Variants in SLC27A4 observed in about 807,000 individuals in gnomAD.
SLC27A4 encodes long-chain fatty acid transport protein 4.
Under a neutral mutation model 64.4 loss-of-function variants are expected in SLC27A4, and 33 were observed. The observed-to-expected ratio is 0.51, with a 90% CI of 0.39 to 0.68. The LOEUF is 0.68. Ranked by LOEUF, SLC27A4 falls within the 30% of genes least tolerant of loss-of-function variation. SLC27A4 has a pLI of 0.00. For synonymous variants in SLC27A4, 377 were observed against 370.0 expected, an observed-to-expected ratio of 1.02 and a Z score of -0.22; for missense variants, 824 against 883.5, an observed-to-expected ratio of 0.93 and a Z score of 0.85.
chr9:128,355,480 C>G lies in SLC27A4; in HGVS notation c.1545C>G (p.Asn515Lys). 3.1e-6 allele frequency: 5 copies of G among 1,612,632 alleles called. No homozygotes were observed. Among genetic ancestry groups the G allele is most frequent in the Non-Finnish European group, 4.2e-6 (5 of 1,179,484 alleles). ...ACACGTTCCGCTGGAAAGGTGAGAA[C>G]GTGTCCACCACCGAGGTGGAAGGCA... is the stretch of plus-strand genomic sequence containing the variant. ...TGDTFRWKGENVSTTEVEGTL... is the reference protein window; with the variant it reads ...TGDTFRWKGEKVSTTEVEGTL... Residue 515 changes from asparagine (N) to lysine (K), a missense_variant, in exon 11 of 13, where the codon AAC becomes AAG. Asn to Lys is a moderately conservative substitution (Grantham distance 94). Coordinates refer to ENST00000300456, the MANE Select transcript of SLC27A4 (RefSeq NM_005094.4).
intron 12 of SLC27A4, among the ~76,000 whole-genome samples, chr9:128,357,093 C>CA (rs1318748501): frequency 0.015 from 1,445 of 94,674 alleles, 22 homozygotes; most frequent in Non-Finnish European, 0.022. Context: ...GACTCCGTCT[C>CA]AAAAAAAAAA....
chr9:128,354,989 C>CTGG, intron 9 of SLC27A4, 64 bp from the exon 10 acceptor site: 15 of 1,442,804 alleles, frequency 1.0e-5, no homozygotes, highest in African/African-American at 1.4e-5. Flanking sequence ...CAGGGTACAC[C>CTGG]TGGTGACAGG....
In SLC27A4 at chr9:128,350,578, A is replaced by G; in HGVS notation, c.877+3A>G. 6.2e-7 allele frequency: 1 copy of G among 1,609,536 alleles called. No individual in the cohort carries two copies. On this transcript the variant is annotated splice_donor_region_variant and intron_variant, in intron 6 of 12. Coordinates refer to ENST00000300456, the MANE Select transcript of SLC27A4 (RefSeq NM_005094.4). ...CCTCCCCCTCTACCACTCAGCAGGT[A>G]ACTCTAGGGCTGTCACACAGCCTCC...
At chr9:128,350,437 T>C (rs756660457) in intron 5 of SLC27A4, 47 bp from the exon 6 acceptor site, 14 of 1,612,082 alleles carry the variant, frequency 8.7e-6, no homozygotes, top group Admixed American at 5.0e-5. Context: ...GGAGCCTCCT[T>C]CTGCCTTTCT....
Position 128,353,026 on chromosome 9 carries a change from T to C in SLC27A4, c.989T>C (p.Ile330Thr). 6.2e-7 allele frequency: 1 copy of C among 1,612,716 alleles called. No individual in the cohort carries two copies. Among genetic ancestry groups the C allele is most frequent in the Non-Finnish European group, 8.5e-7 (1 of 1,179,192 alleles). ...GAATCACACCAAGTTCACCCCCAGA[T>C]TGTGCAGTACATTGGTGAACTGTGC... ...WDDCIKYNCTIVQYIGELCRY... is the reference protein window; with the variant it reads ...WDDCIKYNCTTVQYIGELCRY... Residue 330 changes from isoleucine (I) to threonine (T), a missense_variant and splice_region_variant, in exon 8 of 13, where the codon ATT becomes ACT. Transcript: ENST00000300456. This position sits in a 1 kb window ranked among gnomAD's most constrained non-coding sequence, Gnocchi z 4.9.
chr9:128,355,251 C>T, intron 10 of SLC27A4, 61 bp downstream of exon 10: 1 of 1,604,902 alleles, frequency 6.2e-7, no homozygotes. Context: ...GACCTTCTCC[C>T]ACCTCCAGAG....
Position 128,357,684 on chromosome 9 carries a change from A to G in SLC27A4, c.1774+1888A>G, listed in dbSNP as rs143542300. ...CTCAAGAGTTCCCTGGTGGGCAGGA[A>G]ATGCTGAGGCTCATGCCCATACCTG... is the stretch of plus-strand genomic sequence containing the variant. On this transcript the variant is annotated intron_variant, in intron 12 of 12. Coordinates refer to ENST00000300456, the MANE Select transcript of SLC27A4 (RefSeq NM_005094.4). Among the ~76,000 whole-genome samples, 11 of 152,236 alleles carry G rather than the reference A, an allele frequency of 7.2e-5. No homozygotes were observed. In the East Asian group the frequency reaches 2.1e-3, roughly 29 times the overall value.
intron 1 of SLC27A4, chr9:128,342,504 A>T: frequency 8.7e-7 from 1 of 1,152,784 alleles, no homozygotes; most frequent in Non-Finnish European, 1.3e-6. Flanking sequence ...TTTCACATCA[A>T]AGAACTACTG....
At position 128,345,694 on chromosome 9, in the gene SLC27A4, A is replaced by G. The variant is rs1001282272; in HGVS notation, c.556+145A>G. 2 of 967,160 alleles carry G rather than the reference A, an allele frequency of 2.1e-6. No homozygotes were observed. The highest frequency in any genetic ancestry group is 5.8e-5 in the Admixed American group (2 of 34,288). 59.9% of individuals were successfully genotyped at this position (967,160 alleles called of 1,614,324 possible). A position where few individuals can be genotyped will look rare whatever the true frequency, so the allele number is the denominator to read the frequency against. ...AGACAGCTTAGGCAGTGCCACGAGTAAACGAGATCCTGGGGAAGGGACTGA... is the reference window on the plus strand; with the variant it reads ...AGACAGCTTAGGCAGTGCCACGAGTGAACGAGATCCTGGGGAAGGGACTGA... On this transcript the variant is annotated intron_variant, in intron 3 of 12. Transcript: ENST00000300456. The surrounding 1 kb of genome is among the most constrained non-coding windows in gnomAD (Gnocchi z 4.1).
chr9:128,345,338 C>T lies in SLC27A4; in HGVS notation c.345C>T (p.Ala115=), dbSNP rs778960295. 1 of 1,613,798 alleles carries T rather than the reference C, an allele frequency of 6.2e-7. No individual in the cohort carries two copies. Among genetic ancestry groups the T allele is most frequent in the African/African-American group, 1.3e-5 (1 of 75,012 alleles). The change falls in exon 3 of 13, where the codon GCC becomes GCT. Residue 115 remains alanine (A), a synonymous_variant. Transcript: ENST00000300456. This position sits in a 1 kb window ranked among gnomAD's most constrained non-coding sequence, Gnocchi z 4.1. ...RQLDEYSSSV[A]NFLQARGLAS... ...TGGATGAGTACTCAAGCAGTGTAGCCAACTTCCTGCAGGCCCGGGGCCTGG... is the reference window on the plus strand; with the variant it reads ...TGGATGAGTACTCAAGCAGTGTAGCTAACTTCCTGCAGGCCCGGGGCCTGG...
chr9:128,346,437 T>C (rs916671796), intron 3 of SLC27A4, among the ~76,000 whole-genome samples: 5 of 151,208 alleles, frequency 3.3e-5, no homozygotes, highest in Non-Finnish European at 5.9e-5. Flanking sequence ...GGTTTCACCA[T>C]GTTGGTCAGG....
chr9:128,351,585 C>T (rs1036749182), intron 6 of SLC27A4, among the ~76,000 whole-genome samples: 1 of 151,580 alleles, frequency 6.6e-6, no homozygotes, highest in Non-Finnish European at 1.5e-5. Flanking sequence ...GGCTTGGTGG[C>T]GGGTGCCTGT....
At chr9:128,354,915 T>C (rs1276119804) in intron 9 of SLC27A4, 138 bp from the exon 10 acceptor site, 59 of 912,310 alleles carry the variant, frequency 6.5e-5, no homozygotes, top group Non-Finnish European at 8.6e-5. Flanking sequence ...ATTGCACTGC[T>C]GCACTCCAGC....
chr9:128,360,613 C>G lies in SLC27A4; in HGVS notation c.*122C>G. The G allele has an allele frequency of 9.8e-7, 1 of 1,016,954 alleles. No homozygotes were observed. Among genetic ancestry groups the G allele is most frequent in the South Asian group, 1.4e-5 (1 of 71,458 alleles). 63.0% of individuals were successfully genotyped at this position (1,016,954 alleles called of 1,614,324 possible). On this transcript the variant is annotated 3_prime_UTR_variant, in exon 13 of 13. Transcript: ENST00000300456. ...GGCCTGGCACCTCCATCCTGAGGTG[C>G]TGCCCCTCCATCCAAAACTGCCAAG...
intron 12 of SLC27A4, among the ~76,000 whole-genome samples, chr9:128,357,482 T>G (rs1832837939): frequency 6.6e-6 from 1 of 152,066 alleles, no homozygotes; most frequent in Non-Finnish European, 1.5e-5. Context: ...GTCAGACTCA[T>G]GCTCTACAAA....
At chr9:128,340,865 C>T in intron 1 of SLC27A4, 27 bp downstream of exon 1, 1 of 627,982 alleles carries the variant, frequency 1.6e-6, no homozygotes, top group South Asian at 1.7e-5. Context: ...CTGGTGGGTT[C>T]CCGGGTGGGG....
Position 128,360,806 on chromosome 9 carries a change from C to T in SLC27A4, c.*315C>T, listed in dbSNP as rs542723715. On this transcript the variant is annotated 3_prime_UTR_variant, in exon 13 of 13. Coordinates refer to ENST00000300456, the MANE Select transcript of SLC27A4 (RefSeq NM_005094.4). ...GGAGAGGACAAGGGGTCACCGAGCCCTTCCCAGAGAGCAGGGAGCTTATAA... is the reference window on the plus strand; with the variant it reads ...GGAGAGGACAAGGGGTCACCGAGCCTTTCCCAGAGAGCAGGGAGCTTATAA... 8 of 400,148 alleles carry T rather than the reference C, an allele frequency of 2.0e-5. No homozygotes were observed. In the East Asian group the frequency reaches 3.3e-4, roughly 17 times the overall value. 24.8% of individuals were successfully genotyped at this position (400,148 alleles called of 1,614,324 possible). A position where few individuals can be genotyped will look rare whatever the true frequency, so the allele number is the denominator to read the frequency against.
Position 128,355,655 on chromosome 9 carries a change from G to T in SLC27A4, c.1633G>T (p.Glu545Ter). 3 of 1,610,662 alleles carry T rather than the reference G, an allele frequency of 1.9e-6. No individual in the cohort carries two copies. The highest frequency in any genetic ancestry group is 2.5e-6 in the Non-Finnish European group (3 of 1,180,006). Residue 545 changes from glutamate to a stop codon, truncating the protein, a stop_gained, in exon 12 of 13, where the codon GAG becomes TAG. Transcript: ENST00000300456. LOFTEE classifies it high-confidence loss of function. ...GTCTACCCTGCCACCCCCAGGAACC[G>T]AGGGCCGGGCCGGAATGGCTGCTGT... ...AVYGVEVPGT[E>*]GRAGMAAVAS...
At position 128,353,696 on chromosome 9, in the gene SLC27A4, A is replaced by G. The variant is rs1832773089; in HGVS notation, c.1324+155A>G. ...CATTTATTTGTGTATCCATCCATTC[A>G]TTCATTCATTCGCCATTCTATCTGT... On this transcript the variant is annotated intron_variant, in intron 9 of 12. Coordinates refer to ENST00000300456, the MANE Select transcript of SLC27A4 (RefSeq NM_005094.4). This position sits in a 1 kb window ranked among gnomAD's most constrained non-coding sequence, Gnocchi z 4.9. Among the ~76,000 whole-genome samples the G allele has an allele frequency of 6.7e-6, 1 of 149,322 alleles. No individual in the cohort carries two copies. The highest frequency in any genetic ancestry group is 2.1e-4 in the South Asian group (1 of 4,766).
Sources: allele counts gnomAD v4.1 joint callset (sites outside exome capture counted in the v4.1 genomes callset), GRCh38; gene constraint gnomAD v4.1.1; non-coding constraint Gnocchi (gnomAD v3.1); transcripts MANE v1.5; gene names NCBI Gene and HGNC (gene_info 2026-07-23, HGNC 2026-07-21).